Variants in CPNE7 observed in about 807,000 individuals in gnomAD.
CPNE7 encodes copine-7.
A neutral mutation model predicts 66.5 loss-of-function variants in CPNE7; 78 were observed. That is an observed-to-expected ratio of 1.17 (90% CI 0.98 to 1.42). The LOEUF (loss-of-function observed/expected upper bound fraction) is 1.42, where lower values mean the gene tolerates loss of function less well. Among genes scored for constraint, CPNE7 ranks in the 40% most tolerant of loss-of-function variants. CPNE7 has a pLI of 0.00. For missense variants in CPNE7, 1,012 were observed against 776.6 expected (o/e 1.30, Z -3.60); for synonymous variants, 468 against 336.7 (o/e 1.39, Z -4.27).
At chr16:89,590,809 G>A (rs1454655927) in intron 11 of CPNE7, among the ~76,000 whole-genome samples, 198 bp from the exon 12 acceptor site, 2 of 58,954 alleles carry the variant, frequency 3.4e-5, no homozygotes, top group Admixed American at 3.0e-4. Flanking sequence ...GCTGACTGGG[G>A]GACATGGGGG....
intron 2 of CPNE7, among the ~76,000 whole-genome samples, chr16:89,578,433 G>T (rs969293608): frequency 1.3e-5 from 2 of 151,970 alleles, no homozygotes; most frequent in African/African-American, 4.8e-5. Flanking sequence ...TCACTTCCAC[G>T]ACGTGCAGCA....
At chr16:89,577,848 G>A (rs1415729378) in intron 2 of CPNE7, 127 bp downstream of exon 2, 2 of 745,266 alleles carry the variant, frequency 2.7e-6, no homozygotes, top group Non-Finnish European at 4.3e-6. Flanking sequence ...CCCCTCCTCA[G>A]CTCCTCCTGA....
In CPNE7 at chr16:89,586,629, GAGCCACC is replaced by G. The variant is rs1057476585; in HGVS notation, c.781-39_781-33del. ...GTAGGGTCTCCCTGGTAGGTGTTCA[GAGCCACC>G]ACTCTGGGGGGCCTCTGCTTGTTCC... On this transcript the variant is annotated intron_variant, in intron 7 of 14. Coordinates refer to ENST00000319518, the MANE Select transcript of CPNE7 (RefSeq NM_153636.3). 5.8e-6 allele frequency: 9 copies of G among 1,547,814 alleles called. No individual in the cohort carries two copies. In the African/African-American group the frequency reaches 1.2e-4, roughly 21 times the overall value.
At chr16:89,585,652 C>G in intron 6 of CPNE7, 35 bp from the exon 7 acceptor site, 1 of 1,554,102 alleles carries the variant, frequency 6.4e-7, no homozygotes, top group East Asian at 2.4e-5. Flanking sequence ...CTGGGGCCCC[C>G]AGACAGCAGT....
At chr16:89,592,246 C>T (rs1431626114) in intron 13 of CPNE7, among the ~76,000 whole-genome samples, 5 of 150,154 alleles carry the variant, frequency 3.3e-5, no homozygotes, top group East Asian at 2.0e-4. Flanking sequence ...GATCTCCTGA[C>T]CTCGTGATCC....
At position 89,583,752 on chromosome 16, in the gene CPNE7, C is replaced by A; in HGVS notation, c.413C>A (p.Ala138Asp). 1 of 1,612,746 alleles carries A rather than the reference C, an allele frequency of 6.2e-7. No homozygotes were observed. The highest frequency in any genetic ancestry group is 1.1e-5 in the South Asian group (1 of 91,088). Residue 138 changes from alanine (A) to aspartate (D), a missense_variant, in exon 3 of 15, where the codon GCT becomes GAT. Coordinates refer to ENST00000319518, the MANE Select transcript of CPNE7 (RefSeq NM_153636.3). ...RPLLLKFGRN[A>D]GKSTITVIAE... ...CTGCTGCTCAAGTTTGGCAGGAACGCTGGCAAGTCCACCATCACGGTGAGA... is the reference window on the plus strand; with the variant it reads ...CTGCTGCTCAAGTTTGGCAGGAACGATGGCAAGTCCACCATCACGGTGAGA...
Position 89,585,367 on chromosome 16 carries a change from T to C in CPNE7, c.592-97T>C, listed in dbSNP as rs2059017776. On this transcript the variant is annotated intron_variant, in intron 5 of 14. Coordinates refer to ENST00000319518, the MANE Select transcript of CPNE7 (RefSeq NM_153636.3). ...GGTGATGCAGGGGCAGGGCCAGCTG[T>C]GCCCGCCTCACAGCTGCTCTTCCAC... The C allele has an allele frequency of 7.1e-6, 6 of 848,072 alleles. No homozygotes were observed. In the East Asian group the frequency reaches 1.6e-4, roughly 23 times the overall value. 52.5% of individuals were successfully genotyped at this position (848,072 alleles called of 1,614,324 possible).
At chr16:89,586,152 C>T (rs1173975005) in intron 7 of CPNE7, among the ~76,000 whole-genome samples, 2 of 152,010 alleles carry the variant, frequency 1.3e-5, no homozygotes, top group Non-Finnish European at 2.9e-5. Flanking sequence ...AACCCTGTCC[C>T]ACTGTCCTGA....
chr16:89,576,174 AG>A, intron 1 of CPNE7, 103 bp downstream of exon 1: 2 of 1,023,288 alleles, frequency 2.0e-6, no homozygotes, highest in Non-Finnish European at 2.5e-6. Context: ...GTGGGGCGCA[AG>A]GCGGGGCCCC....
chr16:89,584,212 G>C lies in CPNE7; in HGVS notation c.507+110G>C. ...CGCGTGGCTATGTCCCGTGTGAGAC[G>C]TGTGCGGAGTGTGCCTGGGGCTGGG... On this transcript the variant is annotated intron_variant, in intron 4 of 14. Transcript: ENST00000319518. This position sits in a 1 kb window ranked among gnomAD's most constrained non-coding sequence, Gnocchi z 6.0. 9.5e-7 allele frequency: 1 copy of C among 1,057,928 alleles called. No individual in the cohort carries two copies. The allele number at this position is 1,057,928 out of a possible 1,614,324, so 65.5% of individuals were successfully genotyped here. A position where few individuals can be genotyped will look rare whatever the true frequency, so the allele number is the denominator to read the frequency against.
chr16:89,575,774 G>C lies in CPNE7; in HGVS notation c.-124G>C, dbSNP rs1459917295. 9 of 677,146 alleles carry C rather than the reference G, an allele frequency of 1.3e-5. No individual in the cohort carries two copies. The highest frequency in any genetic ancestry group is 6.1e-5 in the Admixed American group (1 of 16,314). The allele number at this position is 677,146 out of a possible 1,614,324, so 41.9% of individuals were successfully genotyped here. A position where few individuals can be genotyped will look rare whatever the true frequency, so the allele number is the denominator to read the frequency against. ...GCCCGAGCCACGTGCGCCCGCGCCC[G>C]GCAGGCGTTCAGGGAAGCGCGGCCA... On this transcript the variant is annotated 5_prime_UTR_variant, in exon 1 of 15. Coordinates refer to ENST00000319518, the MANE Select transcript of CPNE7 (RefSeq NM_153636.3).
chr16:89,582,187 C>T (rs1357340493), intron 2 of CPNE7, among the ~76,000 whole-genome samples: 1 of 152,242 alleles, frequency 6.6e-6, no homozygotes, highest in African/African-American at 2.4e-5. Flanking sequence ...AAGGGAGAAG[C>T]TACTGGCATC....
chr16:89,585,345 G>C, intron 5 of CPNE7, 119 bp from the exon 6 acceptor site: 2 of 718,930 alleles, frequency 2.8e-6, no homozygotes, highest in Non-Finnish European at 4.9e-6. Flanking sequence ...TGTCTGGGGT[G>C]ATGCAGGGGC....
chr16:89,577,455 G>A (rs1465283974), intron 1 of CPNE7, 84 bp from the exon 2 acceptor site: 2 of 1,379,238 alleles, frequency 1.5e-6, no homozygotes, highest in East Asian at 2.5e-5. Context: ...ACCTGGGCGT[G>A]GGTGAGCGGC....
chr16:89,595,896 C>A (rs1435691769), intron 14 of CPNE7: 1 of 579,634 alleles, frequency 1.7e-6, no homozygotes, highest in African/African-American at 1.8e-5. Flanking sequence ...CCAACCTCTG[C>A]GACCCGGCGA....
intron 1 of CPNE7, 90 bp downstream of exon 1, chr16:89,576,161 C>A: frequency 8.9e-7 from 1 of 1,128,034 alleles, no homozygotes; most frequent in Non-Finnish European, 1.1e-6. Flanking sequence ...CGCGCTGAGG[C>A]CAGTGGGGCG....
rs149158981 is a variant in CPNE7, at chr16:89,582,095, T to C, written c.358-1602T>C. Among the ~76,000 whole-genome samples, 1,263 of 152,380 alleles carry C rather than the reference T, an allele frequency of 8.3e-3. 6 individuals carry two copies. Among genetic ancestry groups the C allele is most frequent in the Admixed American group, 0.013 (205 of 15,312 alleles). ...TGTGTGAGCACGTGTGCTGTGGATA[T>C]GTGCAAACTTCCAGCAATGAGGAGG... On this transcript the variant is annotated intron_variant, in intron 2 of 14. Coordinates refer to ENST00000319518, the MANE Select transcript of CPNE7 (RefSeq NM_153636.3).
chr16:89,588,943 C>G (rs1408419142), intron 10 of CPNE7, 135 bp downstream of exon 10: 6 of 1,060,356 alleles, frequency 5.7e-6, no homozygotes, highest in African/African-American at 1.6e-5. Flanking sequence ...TCCCTCACCC[C>G]CCTGGGCTCC....
rs372900571 is a variant in CPNE7 at position 89,588,707 on chromosome 16, C to G, written c.960C>G (p.Asp320Glu). The change falls in exon 10 of 15, where the codon GAC (aspartate) becomes GAG (glutamate). Residue 320 changes from aspartate to glutamate, a missense_variant. Physicochemically the swap from Asp to Glu is conservative, Grantham distance 45. Transcript: ENST00000319518. ...TTGACTTCACCGCCTCCAATGGAGA[C>G]CCGCGGAACAGCTGCTCCCTGCACT... The part of the protein sequence containing the change: ...VAIDFTASNG[D>E]PRNSCSLHYI... 6.8e-6 allele frequency: 11 copies of G among 1,613,336 alleles called. No homozygotes were observed. Among genetic ancestry groups the G allele is most frequent in the Non-Finnish European group, 9.3e-6 (11 of 1,179,946 alleles).
Sources: gnomAD v4.1 joint callset for allele counts (sites outside exome capture counted in the v4.1 genomes callset) on GRCh38, gnomAD v4.1.1 for gene constraint, Gnocchi (gnomAD v3.1) non-coding constraint, MANE v1.5 for transcripts, NCBI Gene and HGNC (gene_info 2026-07-23, HGNC 2026-07-21) for gene names.